Variants in CPNE4 observed in about 807,000 individuals in gnomAD.
The protein encoded by CPNE4 is copine-4.
CPNE4 carries 25 observed loss-of-function variants against 67.9 expected under a neutral mutation model. That is an observed-to-expected ratio of 0.37 (90% CI 0.27 to 0.51). CPNE4 has a LOEUF of 0.51. CPNE4 is among the 20% of genes least tolerant of loss of function. The pLI is 0.93. For synonymous variants in CPNE4, 242 were observed against 244.9 expected (o/e 0.99, Z 0.11); for missense variants, 464 against 690.8 (o/e 0.67, Z 3.68).
rs61536778 is a variant in CPNE4 at position 131,775,577 on chromosome 3, G to C, written c.181-51952C>G. ...ATGCTTTTCTTGTGATAGTGAGTAA[G>C]TCTCATGAGATCTGATGGTTTTATA... On this transcript the variant is annotated intron_variant, in intron 2 of 15. Coordinates refer to ENST00000429747, the MANE Select transcript of CPNE4 (RefSeq NM_130808.3). Among the ~76,000 whole-genome samples the C allele has an allele frequency of 5.3e-3, 801 of 152,182 alleles. 9 individuals are homozygous for C. The highest frequency in any genetic ancestry group is 0.018 in the African/African-American group (732 of 41,544).
At chr3:131,716,337 T>C (rs1374888271) in intron 3 of CPNE4, among the ~76,000 whole-genome samples, 1 of 151,988 alleles carries the variant, frequency 6.6e-6, no homozygotes, top group Non-Finnish European at 1.5e-5. Flanking sequence ...ATCCCTATCT[T>C]GCCACAGTTA....
chr3:131,552,044 C>A (rs567759512), intron 13 of CPNE4, among the ~76,000 whole-genome samples: 1 of 134,680 alleles, frequency 7.4e-6, no homozygotes, highest in Non-Finnish European at 1.5e-5. Context: ...CTCCTTATAT[C>A]GGCACAGAGA....
At chr3:131,695,437 A>G (rs1306842169) in intron 5 of CPNE4, among the ~76,000 whole-genome samples, 1 of 152,236 alleles carries the variant, frequency 6.6e-6, no homozygotes, top group Non-Finnish European at 1.5e-5. Context: ...CCCTTTTACT[A>G]TAACATAAAT....
At chr3:131,663,309 CAG>C (rs1165978762) in intron 7 of CPNE4, among the ~76,000 whole-genome samples, 1 of 150,078 alleles carries the variant, frequency 6.7e-6, no homozygotes. Context: ...CGGGGCCTGT[CAG>C]GGGGTGGGAG....
rs185541392 is a variant in CPNE4, at chr3:131,878,454, C to T, written c.180+26810G>A. Among the ~76,000 whole-genome samples, 230 of 152,238 alleles carry T rather than the reference C, an allele frequency of 1.5e-3. 1 individual carries two copies. The highest frequency in any genetic ancestry group is 5.0e-3 in the African/African-American group (207 of 41,526). On this transcript the variant is annotated intron_variant, in intron 2 of 15. Transcript: ENST00000429747. ...TTGATAGGAGTCAGAAGAGTGGTTA[C>T]TCCTGGCACAGAATGAGGGGCAGTA...
intron 7 of CPNE4, among the ~76,000 whole-genome samples, chr3:131,606,035 T>C (rs1939483234): frequency 2.6e-5 from 4 of 152,164 alleles, no homozygotes. Flanking sequence ...ATGCTACTCA[T>C]GGTGGTTTAT....
chr3:131,919,202 A>C (rs876423), intron 1 of CPNE4, among the ~76,000 whole-genome samples: 61,364 of 152,022 alleles, frequency 0.4, 12,871 homozygotes, highest in African/African-American at 0.52. Flanking sequence ...AATAGTGAAG[A>C]GGATTGATGA....
chr3:131,699,382 A>C (rs1447382771), intron 4 of CPNE4, among the ~76,000 whole-genome samples: 1 of 152,362 alleles, frequency 6.6e-6, no homozygotes, highest in South Asian at 2.1e-4. Flanking sequence ...AAATAATCAC[A>C]TGTGGCTAGT....
At chr3:131,795,516 C>A (rs2083896114) in intron 2 of CPNE4, among the ~76,000 whole-genome samples, 1 of 152,190 alleles carries the variant, frequency 6.6e-6, no homozygotes, top group Admixed American at 6.5e-5. Context: ...TACAGAGACT[C>A]TACCACTGAT....
intron 13 of CPNE4, among the ~76,000 whole-genome samples, chr3:131,551,582 G>C (rs1582777885): frequency 6.6e-6 from 1 of 152,010 alleles, no homozygotes; most frequent in East Asian, 1.9e-4. Context: ...TGGCAGAATG[G>C]AGATTGGGTC....
At chr3:131,891,895 T>G (rs2088131790) in intron 2 of CPNE4, among the ~76,000 whole-genome samples, 1 of 152,046 alleles carries the variant, frequency 6.6e-6, no homozygotes, top group Non-Finnish European at 1.5e-5. Flanking sequence ...TCATCTCACC[T>G]CCACAAAAAG....
At chr3:131,844,488 G>T (rs976201378) in intron 2 of CPNE4, among the ~76,000 whole-genome samples, 1 of 151,890 alleles carries the variant, frequency 6.6e-6, no homozygotes, top group Non-Finnish European at 1.5e-5. Flanking sequence ...AACTGGCCTC[G>T]AACTCCTGAC....
chr3:131,854,394 G>A (rs545526855), intron 2 of CPNE4, among the ~76,000 whole-genome samples: 14 of 151,950 alleles, frequency 9.2e-5, no homozygotes, highest in Admixed American at 4.6e-4. Flanking sequence ...GGCATGAAAA[G>A]ATTTACTTGG....
chr3:131,839,549 T>C (rs1025918539), intron 2 of CPNE4, among the ~76,000 whole-genome samples: 1 of 151,854 alleles, frequency 6.6e-6, no homozygotes, highest in Non-Finnish European at 1.5e-5. Context: ...ATTTTAATTT[T>C]ATATATCAAT....
chr3:131,880,267 G>C (rs950305372), intron 2 of CPNE4, among the ~76,000 whole-genome samples: 3 of 151,532 alleles, frequency 2.0e-5, no homozygotes, highest in Non-Finnish European at 4.4e-5. Context: ...AGGCGCCCAC[G>C]ACCACGCCCG....
chr3:131,618,229 T>A (rs1469357649), intron 7 of CPNE4, among the ~76,000 whole-genome samples: 1 of 152,124 alleles, frequency 6.6e-6, no homozygotes, highest in Non-Finnish European at 1.5e-5. Flanking sequence ...TGTAAAAGCA[T>A]AGAAAGGGAT....
In CPNE4 at chr3:131,614,466, G is replaced by A. The variant is rs139759223; in HGVS notation, c.682-26884C>T. 4.8e-3 allele frequency among the ~76,000 whole-genome samples: 730 copies of A among 152,338 alleles called. 6 individuals are homozygous for A. Among genetic ancestry groups the A allele is most frequent in the African/African-American group, 0.016 (668 of 41,578 alleles). On this transcript the variant is annotated intron_variant, in intron 7 of 15. Transcript: ENST00000429747. ...TGCATCCTTATTGGACATGAGAACA[G>A]TGTCTGATACTCATGTGTCTCTTTA...
chr3:131,603,233 A>G (rs1214828600), intron 7 of CPNE4, among the ~76,000 whole-genome samples: 1 of 152,200 alleles, frequency 6.6e-6, no homozygotes, highest in Non-Finnish European at 1.5e-5. Flanking sequence ...AGTATATAGA[A>G]GAACAGCAAA....
chr3:131,770,158 G>A (rs2083129929), intron 2 of CPNE4, among the ~76,000 whole-genome samples: 1 of 152,138 alleles, frequency 6.6e-6, no homozygotes. Context: ...GTCTTCACAA[G>A]CAATTGTTGA....
Sources: allele counts gnomAD v4.1 joint callset (sites outside exome capture counted in the v4.1 genomes callset), GRCh38; gene constraint gnomAD v4.1.1; transcripts MANE v1.5; gene names NCBI Gene and HGNC (gene_info 2026-07-23, HGNC 2026-07-21).